The following BTD variants were observed in gnomAD, a reference collection of about 807,000 sequenced individuals.
BTD encodes biocytinase.
Under a neutral mutation model 17.7 loss-of-function variants are expected in BTD, and 13 were observed. The ratio of observed to expected loss-of-function variants is 0.74; its 90% CI spans 0.48 to 1.17. The LOEUF is 1.17. Among genes scored for constraint, BTD ranks in the 50% most tolerant of loss-of-function variants. BTD has a pLI of 0.00. For synonymous variants in BTD, 240 were observed against 245.2 expected (o/e 0.98, Z 0.20); for missense variants, 674 against 650.4 (o/e 1.04, Z -0.39).
chr3:15,636,004 G>C (rs2065337679), intron 2 of BTD, among the ~76,000 whole-genome samples: 1 of 152,176 alleles, frequency 6.6e-6, no homozygotes, highest in South Asian at 2.1e-4. Context: ...CCCAGGACTA[G>C]ATCCCCAGTT....
intron 3 of BTD, chr3:15,675,889 C>T (rs972079163): frequency 2.5e-6 from 4 of 1,599,682 alleles, no homozygotes; most frequent in Admixed American, 1.7e-5. Context: ...GAATATAGAA[C>T]CAACTTACCA....
chr3:15,709,481 A>G (rs1575301154), intron 3 of BTD, among the ~76,000 whole-genome samples: 1 of 152,130 alleles, frequency 6.6e-6, no homozygotes, highest in South Asian at 2.1e-4. Context: ...TGTGGTAGGG[A>G]CTCAAGAAGA....
chr3:15,685,382 G>C (rs202220330), intron 3 of BTD: 11 of 1,613,948 alleles, frequency 6.8e-6, no homozygotes, highest in Non-Finnish European at 9.3e-6. Context: ...CTGCTATCCC[G>C]AAGTAAGCAC....
intron 3 of BTD, among the ~76,000 whole-genome samples, chr3:15,644,071 G>A (rs2065618629): frequency 6.6e-6 from 1 of 151,688 alleles, no homozygotes; most frequent in Non-Finnish European, 1.5e-5. Context: ...CGCGATCTCG[G>A]CTCACTGCAA....
intron 1 of BTD, among the ~76,000 whole-genome samples, chr3:15,628,752 AGT>A (rs2065129489): frequency 6.6e-6 from 1 of 152,210 alleles, no homozygotes; most frequent in Admixed American, 6.5e-5. Flanking sequence ...TCCAATCAAT[AGT>A]TTAAGACTTT....
intron 1 of BTD, among the ~76,000 whole-genome samples, chr3:15,634,977 G>T (rs947124360): frequency 1.3e-5 from 2 of 151,948 alleles, no homozygotes; most frequent in African/African-American, 2.4e-5. Flanking sequence ...TGTTATTAGG[G>T]TCATGACAAT....
At chr3:15,608,217 A>T (rs1250984027) in intron 1 of BTD, among the ~76,000 whole-genome samples, 3 of 152,148 alleles carry the variant, frequency 2.0e-5, no homozygotes, top group Non-Finnish European at 4.4e-5. Flanking sequence ...TGCCAGGGAG[A>T]CCTGGAACTG....
intron 3 of BTD, among the ~76,000 whole-genome samples, chr3:15,704,848 T>C (rs1293869834): frequency 6.6e-6 from 1 of 152,166 alleles, no homozygotes; most frequent in African/African-American, 2.4e-5. Flanking sequence ...GAACAAATCA[T>C]TGAATCAATA....
chr3:15,695,254 G>A lies in BTD; in HGVS notation c.400-14806G>A, dbSNP rs1305164217. 2.8e-6 allele frequency: 4 copies of A among 1,448,200 alleles called. No individual in the cohort carries two copies. The African/African-American group carries it at 4.2e-5, about 15-fold the overall frequency. The allele number at this position is 1,448,200 out of a possible 1,614,324, so 89.7% of individuals were successfully genotyped here. ...AAAACAAAAATATTTAGCTTGGGAA[G>A]TATTCATCTATATTAAGTCTCAACT... On this transcript the variant is annotated intron_variant, in intron 3 of 3. Coordinates refer to the BTD transcript ENST00000672141.
At chr3:15,614,953 C>T (rs1262586373) in intron 1 of BTD, among the ~76,000 whole-genome samples, 1 of 152,182 alleles carries the variant, frequency 6.6e-6, no homozygotes, top group Non-Finnish European at 1.5e-5. Flanking sequence ...CTTTAATCAA[C>T]TTCAGTGTAC....
intron 1 of BTD, among the ~76,000 whole-genome samples, chr3:15,633,541 T>C (rs2065267540): frequency 6.6e-6 from 1 of 152,220 alleles, no homozygotes; most frequent in Non-Finnish European, 1.5e-5. Flanking sequence ...GCAAGTCCTT[T>C]AGACATAAAC....
chr3:15,707,248 C>T (rs1011118635), intron 3 of BTD, among the ~76,000 whole-genome samples: 3 of 118,424 alleles, frequency 2.5e-5, no homozygotes, highest in Non-Finnish European at 4.1e-5. Flanking sequence ...AGTTTATTTT[C>T]GTGCAAGAAG....
chr3:15,601,911 G>A lies in BTD; in HGVS notation c.-17+17G>A, dbSNP rs1417979165. On this transcript the variant is annotated intron_variant, in intron 1 of 3. Transcript: ENST00000643237. ...TAAGAGCAGGTACGGAGGGGGCGTG[G>A]TGCGGCGCGGAGGGGGTGTGGTAAG... 1 of 1,613,134 alleles carries A rather than the reference G, an allele frequency of 6.2e-7. No homozygotes were observed. The highest frequency in any genetic ancestry group is 2.2e-5 in the East Asian group (1 of 44,896).
intron 2 of BTD, among the ~76,000 whole-genome samples, chr3:15,637,981 C>T (rs1245301217): frequency 6.6e-6 from 1 of 152,196 alleles, no homozygotes; most frequent in Admixed American, 6.5e-5. Context: ...TTAGAATTTA[C>T]AGATATCTCA....
At chr3:15,672,771 C>A (rs1036115925) in intron 3 of BTD, among the ~76,000 whole-genome samples, 7 of 152,086 alleles carry the variant, frequency 4.6e-5, no homozygotes, top group African/African-American at 1.7e-4. Context: ...AGGCTCCTCT[C>A]CTCTGCATGG....
rs538676696 is a variant in BTD, at chr3:15,702,751, T to C, written c.400-7309T>C. ...CTCAGCCAGGAAAACAGATGTGGTA[T>C]TGTCACTCCAAGAGGCCCTCCCTCC... is the stretch of plus-strand genomic sequence containing the variant. On this transcript the variant is annotated intron_variant, in intron 3 of 3. Transcript: ENST00000672141. 4.6e-5 allele frequency among the ~76,000 whole-genome samples: 7 copies of C among 152,200 alleles called. No homozygotes were observed. The East Asian group carries it at 9.7e-4, about 21-fold the overall frequency.
At chr3:15,677,091 G>T in intron 3 of BTD, 1 of 1,553,266 alleles carries the variant, frequency 6.4e-7, no homozygotes, top group Non-Finnish European at 8.9e-7. Flanking sequence ...AAAAACTTGA[G>T]CACCATTAAA....
chr3:15,616,350 C>G (rs1414018750), intron 1 of BTD, among the ~76,000 whole-genome samples: 1 of 152,138 alleles, frequency 6.6e-6, no homozygotes, highest in African/African-American at 2.4e-5. Flanking sequence ...CGCGGTGGCT[C>G]ACACCTGTAA....
At position 15,651,540 on chromosome 3, in the gene BTD, G is replaced by A. The variant is rs1055367995; in HGVS notation, c.*6052G>A. Among the ~76,000 whole-genome samples the A allele has an allele frequency of 3.3e-5, 5 of 152,210 alleles. No individual in the cohort carries two copies. The East Asian group carries it at 5.8e-4, about 18-fold the overall frequency. On this transcript the variant is annotated 3_prime_UTR_variant, in exon 4 of 4. Transcript: ENST00000643237. ...AAGCTTATGGAGAGAGCAGGCTGGC[G>A]GGAGCAGGGGCTGTGAGAGAGACAG...
Sources: allele counts gnomAD v4.1 joint callset (sites outside exome capture counted in the v4.1 genomes callset), GRCh38; gene constraint gnomAD v4.1.1; transcripts MANE v1.5; gene names NCBI Gene and HGNC (gene_info 2026-07-23, HGNC 2026-07-21).